The following PLG variants were observed in gnomAD, a reference collection of about 807,000 sequenced individuals.
PLG encodes the protein plasmin.
PLG carries 41 observed loss-of-function variants against 104.4 expected under a neutral mutation model. The observed-to-expected ratio is 0.39, with a 90% CI of 0.31 to 0.51. The LOEUF is 0.51. PLG is among the 20% of genes least tolerant of loss of function. The pLI is 0.76. For synonymous variants in PLG, 337 were observed against 357.1 expected, an observed-to-expected ratio of 0.94 and a Z score of 0.63; for missense variants, 891 against 1,003.6, an observed-to-expected ratio of 0.89 and a Z score of 1.52.
intron 17 of PLG, among the ~76,000 whole-genome samples, chr6:160,749,809 G>A (rs969312853): frequency 6.2e-5 from 9 of 144,422 alleles, no homozygotes; most frequent in Non-Finnish European, 9.0e-5. Flanking sequence ...CACCATCACC[G>A]TCACCATCAT....
rs1778074824 is a variant in PLG at position 160,735,638 on chromosome 6, C to A, written c.1682-1249C>A. Among the ~76,000 whole-genome samples the A allele has an allele frequency of 6.6e-6, 1 of 152,206 alleles. No homozygotes were observed. Among genetic ancestry groups the A allele is most frequent in the Non-Finnish European group, 1.5e-5 (1 of 68,038 alleles). On this transcript the variant is annotated intron_variant, in intron 13 of 18. Coordinates refer to ENST00000308192, the MANE Select transcript of PLG (RefSeq NM_000301.5). This position sits in a 1 kb window ranked among gnomAD's most constrained non-coding sequence, Gnocchi z 5.4. ...ATGGTTTATTCAGGTTTGACTCGTG[C>A]TTGAGAAAGCTAGAGCCTCTGGTGG...
In PLG at chr6:160,731,179, T is replaced by C. The variant is rs142565890; in HGVS notation, c.1385T>C (p.Val462Ala). ...TGCTCAGGAACAGAAGCGAGTGTTG[T>C]AGCACCTCCGCCTGTTGTCCTGCTT... is the stretch of plus-strand genomic sequence containing the variant. ...KKCSGTEASV[V>A]APPPVVLLPD... is the part of the protein sequence containing the mutation. Residue 462 changes from valine (V) to alanine (A), a missense_variant, in exon 11 of 19, where the codon GTA becomes GCA. Physicochemically the swap from Val to Ala is moderately conservative, Grantham distance 64. Transcript: ENST00000308192. This position sits in a 1 kb window ranked among gnomAD's most constrained non-coding sequence, Gnocchi z 5.1. 36 of 1,614,132 alleles carry C rather than the reference T, an allele frequency of 2.2e-5. No individual in the cohort carries two copies. The African/African-American group carries it at 3.7e-4, about 17-fold the overall frequency.
chr6:160,718,799 G>A lies in PLG; in HGVS notation c.1057G>A (p.Asp353Asn). The part of the protein sequence containing the change: ...RWEYCKIPSC[D>N]SSPVSTEQLA... ...GGAGTACTGTAAGATACCGTCCTGT[G>A]ACTCCTCCCCAGTATCCACGGAACA... is the stretch of plus-strand genomic sequence containing the variant. Residue 353 changes from aspartate (D) to asparagine (N), a missense_variant, in exon 9 of 19, where the codon GAC (aspartate) becomes AAC (asparagine). Transcript: ENST00000308192. 6.2e-7 allele frequency: 1 copy of A among 1,613,832 alleles called. No individual in the cohort carries two copies. The highest frequency in any genetic ancestry group is 8.5e-7 in the Non-Finnish European group (1 of 1,179,768).
Position 160,737,044 on chromosome 6 carries a change from C to G in PLG, c.1802+37C>G, listed in dbSNP as rs1299386878. 1 of 1,610,414 alleles carries G rather than the reference C, an allele frequency of 6.2e-7. No individual in the cohort carries two copies. Among genetic ancestry groups the G allele is most frequent in the Non-Finnish European group, 8.5e-7 (1 of 1,178,862 alleles). ...CCCAGAAACGATTTATACTGTCCCTCCACGTAAGCCCTGCAAAACCCTTCT... is the reference window on the plus strand; with the variant it reads ...CCCAGAAACGATTTATACTGTCCCTGCACGTAAGCCCTGCAAAACCCTTCT... On this transcript the variant is annotated intron_variant, in intron 14 of 18. Transcript: ENST00000308192. This position sits in a 1 kb window ranked among gnomAD's most constrained non-coding sequence, Gnocchi z 4.7.
rs369616302 is a variant in PLG at position 160,706,556 on chromosome 6, C to T, written c.185+14C>T. ...ATTCACCTGCAGGTATTTCCATTGT[C>T]GTTGCACCTACGCAGGAATCTGTAA... On this transcript the variant is annotated intron_variant, in intron 2 of 18. Coordinates refer to ENST00000308192, the MANE Select transcript of PLG (RefSeq NM_000301.5). 5.6e-6 allele frequency: 9 copies of T among 1,611,566 alleles called. No individual in the cohort carries two copies. Among genetic ancestry groups the T allele is most frequent in the Non-Finnish European group, 6.8e-6 (8 of 1,178,078 alleles).
At chr6:160,748,366 A>AAGAAAGAAAGAAAGAGAGAG (rs1778319462) in intron 17 of PLG, among the ~76,000 whole-genome samples, 1 of 38,092 alleles carries the variant, frequency 2.6e-5, no homozygotes, top group Admixed American at 3.9e-4. Flanking sequence ...GAAAGAAAGA[A>AAGAAAGAAAGAAAGAGAGAG]AGAAAGAAAG....
rs150227219 is a variant in PLG at position 160,731,809 on chromosome 6, A to G, written c.1503A>G (p.Pro501=). The G allele has an allele frequency of 6.2e-7, 1 of 1,613,918 alleles. No individual in the cohort carries two copies. The highest frequency in any genetic ancestry group is 8.5e-7 in the Non-Finnish European group (1 of 1,179,786). Residue 501 remains proline (P), a synonymous_variant, in exon 12 of 19, where the codon CCA becomes CCG. Coordinates refer to ENST00000308192, the MANE Select transcript of PLG (RefSeq NM_000301.5). This position sits in a 1 kb window ranked among gnomAD's most constrained non-coding sequence, Gnocchi z 5.1. ...GGGCGACCACTGTTACTGGGACGCCATGCCAGGACTGGGCTGCCCAGGAGC... is the reference window on the plus strand; with the variant it reads ...GGGCGACCACTGTTACTGGGACGCCGTGCCAGGACTGGGCTGCCCAGGAGC... ...GKRATTVTGT[P]CQDWAAQEPH...
rs1778159872 is a variant in PLG, at chr6:160,739,869, GTCT to G, written c.2018+666_2018+668del. 6.6e-6 allele frequency among the ~76,000 whole-genome samples: 1 copy of G among 150,896 alleles called. No individual in the cohort carries two copies. The highest frequency in any genetic ancestry group is 6.6e-5 in the Admixed American group (1 of 15,172). On this transcript the variant is annotated intron_variant, in intron 16 of 18. Transcript: ENST00000308192. This position sits in a 1 kb window ranked among gnomAD's most constrained non-coding sequence, Gnocchi z 4.4. ...AAATGTAAATTATATTATTATTATT[GTCT>G]TCTTTGATTTGATTTTCTCTTTCCT...
Position 160,722,425 on chromosome 6 carries a change from C to G in PLG, c.1114C>G (p.Pro372Ala), listed in dbSNP as rs758597842. ...LAPTAPPELT[P>A]VVQDCYHGDG... is the part of the protein sequence containing the mutation. ...AATTTCAGCACCACCTGAGCTAACC[C>G]CTGTGGTCCAGGACTGCTACCATGG... The change falls in exon 10 of 19, where the codon CCT becomes GCT. Residue 372 changes from proline (P) to alanine (A), a missense_variant. By Grantham distance (27) the Pro-to-Ala change is conservative. Coordinates refer to ENST00000308192, the MANE Select transcript of PLG (RefSeq NM_000301.5). The G allele has an allele frequency of 1.0e-4, 161 of 1,612,180 alleles. No homozygotes were observed. The highest frequency in any genetic ancestry group is 1.3e-4 in the Non-Finnish European group (153 of 1,178,476).
chr6:160,718,844 C>T lies in PLG; in HGVS notation c.1096+6C>T. On this transcript the variant is annotated splice_donor_region_variant and intron_variant, in intron 9 of 18. Transcript: ENST00000308192. ...GGAACAATTGGCTCCCACAGGTAAG[C>T]AAGGGTATGGGAGCTTACTGAGGGC... is the stretch of plus-strand genomic sequence containing the variant. 2 of 1,613,476 alleles carry T rather than the reference C, an allele frequency of 1.2e-6. No homozygotes were observed. The highest frequency in any genetic ancestry group is 1.7e-6 in the Non-Finnish European group (2 of 1,179,430).
chr6:160,730,300 A>G (rs1275136236), intron 10 of PLG, among the ~76,000 whole-genome samples: 1 of 152,192 alleles, frequency 6.6e-6, no homozygotes, highest in Non-Finnish European at 1.5e-5. Context: ...CCATTCCCTC[A>G]GACCTGGAGT....
rs548016738 is a variant in PLG, at chr6:160,714,583, T to C, written c.548-211T>C. The stretch of plus-strand genomic sequence containing the variant: ...GAGTATTGACTAAAATATGTGAATG[T>C]TACGGTTTAAAAGGAAAATGACATT... On this transcript the variant is annotated intron_variant, in intron 5 of 18. Transcript: ENST00000308192. Among the ~76,000 whole-genome samples the C allele has an allele frequency of 1.3e-5, 2 of 152,312 alleles. 1 individual carries two copies. The highest frequency in any genetic ancestry group is 1.3e-4 in the Admixed American group (2 of 15,302).
chr6:160,720,723 T>C (rs1300390139), intron 9 of PLG, among the ~76,000 whole-genome samples: 1 of 152,134 alleles, frequency 6.6e-6, no homozygotes, highest in Non-Finnish European at 1.5e-5. Context: ...CCAGCCTAGA[T>C]TGTTGATTTT....
intron 1 of PLG, among the ~76,000 whole-genome samples, chr6:160,703,410 G>A (rs968337211): frequency 2.0e-5 from 3 of 152,208 alleles, no homozygotes; most frequent in South Asian, 4.1e-4. Context: ...CCCCAAAAAC[G>A]CACTCCACTC....
In PLG at chr6:160,752,878, A is replaced by G. The variant is rs796323659; in HGVS notation, c.2272-22A>G. The G allele has an allele frequency of 7.4e-6, 12 of 1,613,334 alleles. No individual in the cohort carries two copies. The African/African-American group carries it at 1.6e-4, about 22-fold the overall frequency. On this transcript the variant is annotated intron_variant, in intron 18 of 18. Coordinates refer to ENST00000308192, the MANE Select transcript of PLG (RefSeq NM_000301.5). The surrounding 1 kb of genome is among the most constrained non-coding windows in gnomAD (Gnocchi z 4.7). ...GGCAGGCAGCCTAACCCTCACATGC[A>G]TTTTTCTCTCCCTCTGTATAGGGTG...
Position 160,719,632 on chromosome 6 carries a change from T to A in PLG, c.1096+794T>A, listed in dbSNP as rs931600678. On this transcript the variant is annotated intron_variant, in intron 9 of 18. Coordinates refer to ENST00000308192, the MANE Select transcript of PLG (RefSeq NM_000301.5). The surrounding 1 kb of genome is among the most constrained non-coding windows in gnomAD (Gnocchi z 4.1). Reference sequence around the variant, plus strand: ...TCTGCCTTCATTTAGATTGAGTTTATCTCCACTACTCACTTAGTAAATTAA... The same window carrying A: ...TCTGCCTTCATTTAGATTGAGTTTAACTCCACTACTCACTTAGTAAATTAA... Among the ~76,000 whole-genome samples the A allele has an allele frequency of 6.6e-6, 1 of 152,204 alleles. No individual in the cohort carries two copies. The highest frequency in any genetic ancestry group is 1.5e-5 in the Non-Finnish European group (1 of 68,020).
chr6:160,725,879 G>C lies in PLG; in HGVS notation c.1256+3312G>C, dbSNP rs1777913242. Among the ~76,000 whole-genome samples the C allele has an allele frequency of 6.6e-6, 1 of 152,078 alleles. No individual in the cohort carries two copies. The highest frequency in any genetic ancestry group is 2.4e-5 in the African/African-American group (1 of 41,416). ...AAAAGTTATTTCTTAAGTAAAAAAA[G>C]TTTATTCATCAAGACTTAACAATGC... On this transcript the variant is annotated intron_variant, in intron 10 of 18. Coordinates refer to ENST00000308192, the MANE Select transcript of PLG (RefSeq NM_000301.5). The surrounding 1 kb of genome is among the most constrained non-coding windows in gnomAD (Gnocchi z 6.3).
At chr6:160,720,410 CTTTTTTTTTTTT>C (rs3057066) in intron 9 of PLG, among the ~76,000 whole-genome samples, 1 of 58,526 alleles carries the variant, frequency 1.7e-5, no homozygotes, top group East Asian at 5.5e-4. Flanking sequence ...CTTTTCTTTT[CTTTTTTTTTTTT>C]TTTTTTTTTT....
chr6:160,744,693 T>A lies in PLG; in HGVS notation c.2125+3276T>A, dbSNP rs1237669021. 1.4e-4 allele frequency among the ~76,000 whole-genome samples: 22 copies of A among 152,322 alleles called. No individual in the cohort carries two copies. The highest frequency in any genetic ancestry group is 1.2e-3 in the South Asian group (6 of 4,832). On this transcript the variant is annotated intron_variant, in intron 17 of 18. Coordinates refer to ENST00000308192, the MANE Select transcript of PLG (RefSeq NM_000301.5). The surrounding 1 kb of genome is among the most constrained non-coding windows in gnomAD (Gnocchi z 4.5). ...CTCTGATTTTGGTTATTTCTTGCCA[T>A]CTGCTAGCTTTGGGGTTGATTTGCT... is the stretch of plus-strand genomic sequence containing the variant.
Sources: gnomAD v4.1 joint callset for allele counts (sites outside exome capture counted in the v4.1 genomes callset) on GRCh38, gnomAD v4.1.1 for gene constraint, Gnocchi (gnomAD v3.1) non-coding constraint, MANE v1.5 for transcripts, NCBI Gene and HGNC (gene_info 2026-07-23, HGNC 2026-07-21) for gene names.